The following RARB variants were observed in gnomAD, a reference collection of about 807,000 sequenced individuals.
The protein encoded by RARB is HBV-activated protein.
RARB carries 17 observed loss-of-function variants against 51.9 expected under a neutral mutation model. That is an observed-to-expected ratio of 0.33 (90% CI 0.22 to 0.49). The LOEUF is 0.49. Among genes scored for constraint, RARB ranks in the 20% least tolerant of loss-of-function variants. The pLI is 0.99. For synonymous variants in RARB, 215 were observed against 195.4 expected (o/e 1.10, Z -0.84); for missense variants, 369 against 550.8 (o/e 0.67, Z 3.30).
At chr3:25,205,897 T>A (rs1701531322) in intron 5 of RARB, among the ~76,000 whole-genome samples, 1 of 152,190 alleles carries the variant, frequency 6.6e-6, no homozygotes, top group East Asian at 1.9e-4. Context: ...GCATGAGCCA[T>A]CATGCCCAGC....
At chr3:24,925,655 TAAA>T (rs34972309) in intron 2 of RARB, among the ~76,000 whole-genome samples, 1 of 104,792 alleles carries the variant, frequency 9.5e-6, no homozygotes, top group African/African-American at 3.9e-5. Context: ...TTTTTTTTTT[TAAA>T]AAAAAAAAAA....
chr3:25,351,702 G>C (rs1423822814), intron 5 of RARB, among the ~76,000 whole-genome samples: 1 of 152,094 alleles, frequency 6.6e-6, no homozygotes, highest in Non-Finnish European at 1.5e-5. Context: ...ATTGTGTTCT[G>C]GTTATTTTCC....
chr3:25,445,994 C>CG (rs1313251081), intron 1 of RARB, among the ~76,000 whole-genome samples: 1 of 152,220 alleles, frequency 6.6e-6, no homozygotes, highest in African/African-American at 2.4e-5. Flanking sequence ...TTCTCCCTGG[C>CG]TCTACGCCAG....
At chr3:24,954,737 A>T (rs186139553) in intron 2 of RARB, among the ~76,000 whole-genome samples, 13 of 152,250 alleles carry the variant, frequency 8.5e-5, no homozygotes, top group Admixed American at 2.6e-4. Flanking sequence ...AAGCTGAAGG[A>T]AAGTAGAGAA....
intron 2 of RARB, among the ~76,000 whole-genome samples, chr3:25,463,369 GAT>G (rs1203198381): frequency 6.6e-6 from 1 of 151,904 alleles, no homozygotes; most frequent in East Asian, 1.9e-4. Flanking sequence ...GGTGCTTAAA[GAT>G]TGAACAAATT....
At chr3:25,046,175 A>C (rs1280846047) in intron 2 of RARB, among the ~76,000 whole-genome samples, 1 of 152,196 alleles carries the variant, frequency 6.6e-6, no homozygotes, top group Admixed American at 6.5e-5. Context: ...TGGAGAAAAA[A>C]ACCGCTGGGC....
chr3:25,364,544 CA>C (rs1191899585), intron 5 of RARB, among the ~76,000 whole-genome samples: 1 of 152,156 alleles, frequency 6.6e-6, no homozygotes, highest in East Asian at 1.9e-4. Context: ...ACAATATAGA[CA>C]AAGATTCAGA....
At chr3:25,479,393 A>G (rs73820500) in intron 2 of RARB, among the ~76,000 whole-genome samples, 10,866 of 152,242 alleles carry the variant, frequency 0.071, 462 homozygotes, top group African/African-American at 0.12. Flanking sequence ...TATGCAGTCC[A>G]TGCCTGTCTC....
At chr3:24,926,003 CAGT>C (rs1379940374) in intron 2 of RARB, among the ~76,000 whole-genome samples, 1 of 152,114 alleles carries the variant, frequency 6.6e-6, no homozygotes, top group Non-Finnish European at 1.5e-5. Flanking sequence ...CAGAAGCACA[CAGT>C]AGGTGATCTG....
In RARB at chr3:25,059,172, T is replaced by A. The variant is rs1474864643; in HGVS notation, c.-379-953T>A. 3.3e-5 allele frequency among the ~76,000 whole-genome samples: 5 copies of A among 151,984 alleles called. No homozygotes were observed. In the South Asian group the frequency reaches 1.0e-3, roughly 31 times the overall value. Reference sequence around the variant, plus strand: ...TTTTCTATAATATAATTTTAGTGGCTGCATAGTATTTAATTACATTGTTGC... The same window carrying A: ...TTTTCTATAATATAATTTTAGTGGCAGCATAGTATTTAATTACATTGTTGC... On this transcript the variant is annotated intron_variant, in intron 2 of 11. Transcript: ENST00000383772.
intron 3 of RARB, among the ~76,000 whole-genome samples, chr3:25,078,726 T>C (rs568067786): frequency 8.3e-4 from 127 of 152,256 alleles, no homozygotes; most frequent in African/African-American, 2.6e-3. Flanking sequence ...AGAAATGGTT[T>C]CTCCATGTTG....
chr3:25,339,772 C>G (rs760715996), intron 5 of RARB, among the ~76,000 whole-genome samples: 3 of 152,026 alleles, frequency 2.0e-5, no homozygotes, highest in Non-Finnish European at 2.9e-5. Context: ...CATTGTACCT[C>G]CAGAGAAGGT....
At chr3:25,230,364 T>C (rs1306512623) in intron 5 of RARB, among the ~76,000 whole-genome samples, 1 of 151,976 alleles carries the variant, frequency 6.6e-6, no homozygotes, top group Non-Finnish European at 1.5e-5. Flanking sequence ...TTTCATGAAA[T>C]TATAAATAAA....
chr3:25,048,593 T>G (rs748163155), intron 2 of RARB, among the ~76,000 whole-genome samples: 8 of 152,160 alleles, frequency 5.3e-5, no homozygotes, highest in Non-Finnish European at 1.0e-4. Context: ...TACTGATTAC[T>G]TTTTGTGATG....
At chr3:25,527,473 C>T (rs574891284) in intron 3 of RARB, among the ~76,000 whole-genome samples, 2 of 152,286 alleles carry the variant, frequency 1.3e-5, no homozygotes, top group East Asian at 3.9e-4. Flanking sequence ...GTCAAAAAAG[C>T]TGTGCTTTGA....
chr3:24,945,944 T>C (rs565388764), intron 2 of RARB, among the ~76,000 whole-genome samples: 1 of 152,336 alleles, frequency 6.6e-6, no homozygotes, highest in South Asian at 2.1e-4. Context: ...CTGACTCTAA[T>C]GTCTCAAACT....
intron 5 of RARB, among the ~76,000 whole-genome samples, chr3:25,351,567 C>T (rs1053192676): frequency 6.6e-6 from 1 of 152,122 alleles, no homozygotes; most frequent in Non-Finnish European, 1.5e-5. Flanking sequence ...TTTATTCTGG[C>T]TCTGTGCAAA....
intron 3 of RARB, among the ~76,000 whole-genome samples, chr3:25,556,214 G>A (rs887877376): frequency 3.3e-5 from 5 of 152,104 alleles, no homozygotes; most frequent in African/African-American, 9.7e-5. Flanking sequence ...GAACTAAATA[G>A]GATTCAGCAA....
chr3:25,235,127 C>T (rs1024905660), intron 5 of RARB, among the ~76,000 whole-genome samples: 3 of 152,188 alleles, frequency 2.0e-5, no homozygotes, highest in African/African-American at 4.8e-5. Context: ...AGCTTATCCT[C>T]AGTAAACCAG....
Sources: gnomAD v4.1 joint callset for allele counts (sites outside exome capture counted in the v4.1 genomes callset) on GRCh38, gnomAD v4.1.1 for gene constraint, MANE v1.5 for transcripts, NCBI Gene and HGNC (gene_info 2026-07-23, HGNC 2026-07-21) for gene names.